The following ZBTB20 variants were observed in gnomAD, a reference collection of about 807,000 sequenced individuals.
The protein encoded by ZBTB20 is zinc finger and BTB domain containing 20.
In ZBTB20, 9 loss-of-function variants were observed where a neutral mutation model predicts 56.9. The ratio of observed to expected loss-of-function variants is 0.16; its 90% CI spans 0.10 to 0.28. ZBTB20 has a LOEUF of 0.28. ZBTB20 is among the 10% of genes least tolerant of loss of function. ZBTB20 has a pLI of 1.00. For synonymous variants in ZBTB20, 417 were observed against 420.7 expected (o/e 0.99, Z 0.11); for missense variants, 655 against 1,003.0 (o/e 0.65, Z 4.69).
chr3:114,578,613 T>A (rs2054330095), intron 6 of ZBTB20, among the ~76,000 whole-genome samples: 1 of 151,902 alleles, frequency 6.6e-6, no homozygotes. Flanking sequence ...GATTGATAGA[T>A]TTCTCTTAAT....
At chr3:114,670,045 G>T (rs1309561558) in intron 6 of ZBTB20, among the ~76,000 whole-genome samples, 1 of 152,034 alleles carries the variant, frequency 6.6e-6, no homozygotes, top group East Asian at 1.9e-4. Context: ...ATTCAAATAT[G>T]TGACATTTTA....
intron 5 of ZBTB20, among the ~76,000 whole-genome samples, chr3:114,794,940 T>TA (rs1266230471): frequency 6.6e-6 from 1 of 152,008 alleles, no homozygotes; most frequent in Non-Finnish European, 1.5e-5. Context: ...GTTTAACAGA[T>TA]AAAAAATACA....
At position 115,101,292 on chromosome 3, in the gene ZBTB20, T is replaced by C. The variant is rs74565613; in HGVS notation, c.-702-29878A>G. 8.9e-3 allele frequency among the ~76,000 whole-genome samples: 1,349 copies of C among 152,286 alleles called. 7 individuals carry two copies. Among genetic ancestry groups the C allele is most frequent in the Non-Finnish European group, 0.014 (964 of 68,004 alleles). On this transcript the variant is annotated intron_variant, in intron 1 of 11. Transcript: ENST00000675478. ...AATAAAAATAATCAATGCTTCTAAATAAACTTGCCTTAAAAGAGAAAAAAA... is the reference window on the plus strand; with the variant it reads ...AATAAAAATAATCAATGCTTCTAAACAAACTTGCCTTAAAAGAGAAAAAAA...
chr3:114,541,927 T>A (rs1040721095), intron 6 of ZBTB20, among the ~76,000 whole-genome samples: 5 of 152,172 alleles, frequency 3.3e-5, no homozygotes, highest in Non-Finnish European at 7.4e-5. Context: ...ATGTAACACA[T>A]GCTCTTTAAA....
chr3:114,376,170 T>A (rs926266384), intron 10 of ZBTB20, among the ~76,000 whole-genome samples: 1 of 152,186 alleles, frequency 6.6e-6, no homozygotes, highest in Non-Finnish European at 1.5e-5. Flanking sequence ...ATAATACGTA[T>A]AGATGGTTTT....
At chr3:114,774,289 T>C (rs544537616) in intron 5 of ZBTB20, among the ~76,000 whole-genome samples, 2 of 152,236 alleles carry the variant, frequency 1.3e-5, no homozygotes, top group African/African-American at 4.8e-5. Flanking sequence ...ACAGGATAAA[T>C]GAAGTTAATT....
intron 7 of ZBTB20, among the ~76,000 whole-genome samples, chr3:114,426,858 T>C (rs1052618644): frequency 2.0e-5 from 3 of 152,246 alleles, no homozygotes; most frequent in African/African-American, 7.2e-5. Flanking sequence ...ATAAATTATT[T>C]TGATGGCAGC....
Position 114,322,449 on chromosome 3 carries a change from C to CT in ZBTB20, c.*16555dup. On this transcript the variant is annotated 3_prime_UTR_variant, in exon 12 of 12. Transcript: ENST00000675478. ...CATATCCCTTGAGCCTGTTGTAGTA[C>CT]TTTTTTCTGGGAGAGAGGAAATTGC... 6.6e-6 allele frequency: 1 copy of CT among 152,136 alleles called. No homozygotes were observed. The highest frequency in any genetic ancestry group is 1.5e-5 in the Non-Finnish European group (1 of 68,028). The allele number at this position is 152,136 out of a possible 1,614,324, so 9.4% of individuals were successfully genotyped here. A position where few individuals can be genotyped will look rare whatever the true frequency, so the allele number is the denominator to read the frequency against.
At chr3:114,418,781 T>C (rs923741427) in intron 7 of ZBTB20, among the ~76,000 whole-genome samples, 2 of 152,090 alleles carry the variant, frequency 1.3e-5, no homozygotes, top group African/African-American at 4.8e-5. Flanking sequence ...GAAGCAACAC[T>C]GTAATGGGAA....
In ZBTB20 at chr3:114,323,802, C is replaced by A. The variant is rs2078975993; in HGVS notation, c.*15203G>T. 1 of 152,140 alleles carries A rather than the reference C, an allele frequency of 6.6e-6. No individual in the cohort carries two copies. Among genetic ancestry groups the A allele is most frequent in the South Asian group, 2.1e-4 (1 of 4,818 alleles). The allele number at this position is 152,140 out of a possible 1,614,324, so 9.4% of individuals were successfully genotyped here. ...CAGAGATTCCACAGATTCTCGCCAA[C>A]CCTGCTAAGATCAAGCATGATGAAA... On this transcript the variant is annotated 3_prime_UTR_variant, in exon 12 of 12. Transcript: ENST00000675478.
intron 7 of ZBTB20, among the ~76,000 whole-genome samples, chr3:114,407,912 G>A (rs567828154): frequency 1.0e-5 from 1 of 97,080 alleles, no homozygotes; most frequent in South Asian, 2.4e-4. Flanking sequence ...ACCTATATGA[G>A]GGGGGGGAAA....
chr3:114,471,381 T>C (rs1316420292), intron 7 of ZBTB20, among the ~76,000 whole-genome samples: 1 of 152,198 alleles, frequency 6.6e-6, no homozygotes, highest in Non-Finnish European at 1.5e-5. Context: ...TTTTGTACTT[T>C]GCTAAACTCT....
At chr3:114,381,624 A>G (rs1466411140) in intron 8 of ZBTB20, among the ~76,000 whole-genome samples, 2 of 152,214 alleles carry the variant, frequency 1.3e-5, no homozygotes, top group African/African-American at 4.8e-5. Context: ...TGTTGTAAGT[A>G]GATTTGTTTC....
At chr3:114,786,097 T>C (rs62266324) in intron 5 of ZBTB20, among the ~76,000 whole-genome samples, 21 of 152,154 alleles carry the variant, frequency 1.4e-4, no homozygotes, top group Non-Finnish European at 1.9e-4. Flanking sequence ...ATGTTTTCAA[T>C]ACATCACAAG....
At chr3:114,919,276 T>C (rs1034941075) in intron 3 of ZBTB20, among the ~76,000 whole-genome samples, 1 of 152,156 alleles carries the variant, frequency 6.6e-6, no homozygotes, top group Non-Finnish European at 1.5e-5. Flanking sequence ...TGGTTGTCAT[T>C]ACAAGGTGTG....
At chr3:114,577,155 A>G (rs1176274590) in intron 6 of ZBTB20, among the ~76,000 whole-genome samples, 1 of 152,188 alleles carries the variant, frequency 6.6e-6, no homozygotes, top group Non-Finnish European at 1.5e-5. Flanking sequence ...GGATTGGGAA[A>G]AAATAATATG....
chr3:114,738,876 T>C (rs1392542422), intron 5 of ZBTB20, among the ~76,000 whole-genome samples: 3 of 152,208 alleles, frequency 2.0e-5, no homozygotes, highest in African/African-American at 4.8e-5. Flanking sequence ...TAGGACTTTA[T>C]AGAACATTAA....
intron 3 of ZBTB20, among the ~76,000 whole-genome samples, chr3:114,907,926 G>C (rs1226309552): frequency 6.6e-6 from 1 of 151,748 alleles, no homozygotes; most frequent in African/African-American, 2.4e-5. Context: ...AAATAAAGCA[G>C]GGAAAGGGAA....
chr3:115,143,452 G>T (rs898512800), intron 1 of ZBTB20, among the ~76,000 whole-genome samples: 5 of 152,120 alleles, frequency 3.3e-5, no homozygotes, highest in Non-Finnish European at 7.4e-5. Flanking sequence ...CGGATCACTT[G>T]AGCCCAGGAG....
Sources: gnomAD v4.1 joint callset for allele counts (sites outside exome capture counted in the v4.1 genomes callset) on GRCh38, gnomAD v4.1.1 for gene constraint, MANE v1.5 for transcripts, NCBI Gene and HGNC (gene_info 2026-07-23, HGNC 2026-07-21) for gene names.